Variants in FHIT observed in about 807,000 individuals in gnomAD.
The protein encoded by FHIT is bis(5'-adenosyl)-triphosphatase.
Under a neutral mutation model 17.9 loss-of-function variants are expected in FHIT, and 19 were observed. That is an observed-to-expected ratio of 1.06 (90% CI 0.74 to 1.56). FHIT has a LOEUF of 1.56. Ranked by LOEUF, FHIT falls within the 40% of genes most tolerant of loss-of-function variation. The pLI is 0.00. For missense variants in FHIT, 248 were observed against 189.2 expected, an observed-to-expected ratio of 1.31 and a Z score of -1.82; for synonymous variants, 81 against 69.7, an observed-to-expected ratio of 1.16 and a Z score of -0.81.
chr3:61,212,399 T>C (rs2039511454), intron 1 of FHIT, among the ~76,000 whole-genome samples: 1 of 152,080 alleles, frequency 6.6e-6, no homozygotes, highest in Non-Finnish European at 1.5e-5. Context: ...AGAAAGGGTA[T>C]CAATGATGGA....
intron 5 of FHIT, among the ~76,000 whole-genome samples, chr3:60,185,749 A>G (rs1702132939): frequency 6.6e-6 from 1 of 152,176 alleles, no homozygotes; most frequent in Admixed American, 6.5e-5. Context: ...AATGTATGAG[A>G]GTCCTTGTTG....
At chr3:60,419,278 A>C (rs976251956) in intron 5 of FHIT, among the ~76,000 whole-genome samples, 4 of 152,208 alleles carry the variant, frequency 2.6e-5, no homozygotes, top group African/African-American at 9.6e-5. Flanking sequence ...ATGCCTTAGC[A>C]AGTGTCGTCA....
intron 5 of FHIT, among the ~76,000 whole-genome samples, chr3:60,479,058 G>T (rs1448714240): frequency 6.6e-6 from 1 of 152,156 alleles, no homozygotes; most frequent in Non-Finnish European, 1.5e-5. Flanking sequence ...TGTCAAAGAG[G>T]ACTAGACTTG....
At chr3:61,222,602 T>C (rs1430017602) in intron 1 of FHIT, among the ~76,000 whole-genome samples, 1 of 152,050 alleles carries the variant, frequency 6.6e-6, no homozygotes, top group East Asian at 1.9e-4. Flanking sequence ...GCAGACTTGA[T>C]AGACAGGCTG....
chr3:61,003,623 A>C (rs2031247415), intron 3 of FHIT, among the ~76,000 whole-genome samples: 1 of 152,274 alleles, frequency 6.6e-6, no homozygotes, highest in African/African-American at 2.4e-5. Flanking sequence ...TTACCAGGGT[A>C]TCTGCAATCA....
chr3:60,494,942 G>T (rs1431492922), intron 5 of FHIT, among the ~76,000 whole-genome samples: 47 of 152,168 alleles, frequency 3.1e-4, no homozygotes, highest in Non-Finnish European at 2.9e-5. Context: ...AAACACGGGA[G>T]CGCAGATCGC....
At chr3:60,336,730 G>A (rs947478520) in intron 5 of FHIT, among the ~76,000 whole-genome samples, 5 of 152,158 alleles carry the variant, frequency 3.3e-5, no homozygotes, top group African/African-American at 1.2e-4. Flanking sequence ...CAGCACTGCA[G>A]AAAGTTCCGT....
In FHIT at chr3:60,003,260, C is replaced by T. The variant is rs545617200; in HGVS notation, c.279+8111G>A. On this transcript the variant is annotated intron_variant, in intron 7 of 9. Transcript: ENST00000492590. ...CAGTAAGAATGTTATCTGTGTCCTTCCTTCTAAGCCATATATAGATCTACA... is the reference window on the plus strand; with the variant it reads ...CAGTAAGAATGTTATCTGTGTCCTTTCTTCTAAGCCATATATAGATCTACA... Among the ~76,000 whole-genome samples, 225 of 152,188 alleles carry T rather than the reference C, an allele frequency of 1.5e-3. 3 individuals carry two copies. The highest frequency in any genetic ancestry group is 7.7e-3 in the South Asian group (37 of 4,800).
chr3:60,249,492 C>A (rs1363124964), intron 5 of FHIT, among the ~76,000 whole-genome samples: 4 of 151,880 alleles, frequency 2.6e-5, no homozygotes, highest in South Asian at 4.2e-4. Flanking sequence ...TTGATTGGCT[C>A]AGGGGATGAG....
chr3:61,230,375 G>A (rs2040069711), intron 1 of FHIT, among the ~76,000 whole-genome samples: 1 of 152,072 alleles, frequency 6.6e-6, no homozygotes, highest in Admixed American at 6.6e-5. Flanking sequence ...TCTTGCTCCT[G>A]CTTTTGCCAT....
intron 5 of FHIT, among the ~76,000 whole-genome samples, chr3:60,047,823 A>G (rs1045404809): frequency 6.6e-6 from 1 of 152,208 alleles, no homozygotes; most frequent in Non-Finnish European, 1.5e-5. Context: ...TAGATTTAAG[A>G]TCAACCCCAT....
intron 8 of FHIT, among the ~76,000 whole-genome samples, chr3:59,890,665 C>A (rs1703816412): frequency 1.3e-5 from 2 of 152,074 alleles, no homozygotes; most frequent in African/African-American, 4.8e-5. Flanking sequence ...CAAGTATGAT[C>A]TTTGAAACAC....
chr3:60,515,385 G>T (rs1046075854), intron 5 of FHIT, among the ~76,000 whole-genome samples: 2 of 152,128 alleles, frequency 1.3e-5, no homozygotes, highest in African/African-American at 4.8e-5. Context: ...GCAAGAAATT[G>T]AGGGAATTCG....
intron 4 of FHIT, among the ~76,000 whole-genome samples, chr3:60,736,973 G>C (rs1190391025): frequency 6.6e-6 from 1 of 152,164 alleles, no homozygotes; most frequent in Non-Finnish European, 1.5e-5. Context: ...GCCTCAGCAA[G>C]TGCTAAGAGA....
chr3:60,420,661 G>A (rs1176832207), intron 5 of FHIT, among the ~76,000 whole-genome samples: 1 of 151,906 alleles, frequency 6.6e-6, no homozygotes, highest in African/African-American at 2.4e-5. Flanking sequence ...ATTTCTCTCT[G>A]GCAAACTGCT....
chr3:61,178,133 G>C (rs888401503), intron 2 of FHIT, among the ~76,000 whole-genome samples: 2 of 152,142 alleles, frequency 1.3e-5, no homozygotes, highest in African/African-American at 4.8e-5. Context: ...TGTGTTAAGA[G>C]GGGTAATTAT....
intron 5 of FHIT, among the ~76,000 whole-genome samples, chr3:60,354,175 CA>C (rs1699546112): frequency 6.6e-6 from 1 of 151,972 alleles, no homozygotes; most frequent in South Asian, 2.1e-4. Context: ...AAAATGGCAC[CA>C]AAATTGTTTA....
At chr3:59,858,538 T>A (rs3112498) in intron 8 of FHIT, among the ~76,000 whole-genome samples, 16,692 of 151,938 alleles carry the variant, frequency 0.11, 901 homozygotes, top group African/African-American at 0.14. Context: ...TTCCCTTTCT[T>A]TCTTGGAGAG....
intron 4 of FHIT, among the ~76,000 whole-genome samples, chr3:60,569,742 TA>T (rs1559547603): frequency 1.4e-3 from 90 of 66,058 alleles, no homozygotes; most frequent in Middle Eastern, 6.8e-3. Context: ...TATATATATA[TA>T]TATATATATA....
Sources: allele counts gnomAD v4.1 joint callset (sites outside exome capture counted in the v4.1 genomes callset), GRCh38; gene constraint gnomAD v4.1.1; transcripts MANE v1.5; gene names NCBI Gene and HGNC (gene_info 2026-07-23, HGNC 2026-07-21).